The following IDI2 variants were observed in gnomAD, a reference collection of about 807,000 sequenced individuals.
IDI2 encodes isopentenyl-diphosphate delta isomerase 2.
Under a neutral mutation model 14.8 loss-of-function variants are expected in IDI2, and 18 were observed. That is an observed-to-expected ratio of 1.22 (90% CI 0.84 to 1.80). The LOEUF is 1.80. Among genes scored for constraint, IDI2 ranks in the 40% most tolerant of loss-of-function variants. IDI2 has a pLI of 0.00. For synonymous variants in IDI2, 133 were observed against 109.6 expected (o/e 1.21, Z -1.33); for missense variants, 316 against 283.2 (o/e 1.12, Z -0.83).
chr10:1,020,708 T>TATCATTAA, intron 4 of IDI2, 59 bp downstream of exon 4: 1 of 1,374,764 alleles, frequency 7.3e-7, no homozygotes, highest in South Asian at 1.9e-5. Context: ...TTGTTCACCG[T>TATCATTAA]CTGCCCGCTG....
At chr10:1,022,451 C>CA (rs1288787357) in intron 3 of IDI2, among the ~76,000 whole-genome samples, 3 of 152,028 alleles carry the variant, frequency 2.0e-5, no homozygotes, top group Non-Finnish European at 2.9e-5. Flanking sequence ...AACAACAAAA[C>CA]AAAAAAACCC....
chr10:1,023,671 G>T (rs527716555), intron 2 of IDI2, among the ~76,000 whole-genome samples: 2 of 152,304 alleles, frequency 1.3e-5, no homozygotes, highest in South Asian at 4.1e-4. Context: ...GCTGCGAAGG[G>T]CAGTGGGGAG....
chr10:1,021,693 G>C (rs1832104716), intron 3 of IDI2, among the ~76,000 whole-genome samples: 1 of 152,192 alleles, frequency 6.6e-6, no homozygotes, highest in African/African-American at 2.4e-5. Flanking sequence ...TGCAGCTCCT[G>C]AATTTTTCTG....
At chr10:1,024,537 T>C (rs569278039) in intron 2 of IDI2, 45 bp downstream of exon 2, 1 of 1,602,878 alleles carries the variant, frequency 6.2e-7, no homozygotes, top group Non-Finnish European at 8.5e-7. Flanking sequence ...GTGGGAAAAA[T>C]GGGAAAACCC....
intron 4 of IDI2, 27 bp downstream of exon 4, chr10:1,020,740 A>G (rs1055489346): frequency 1.9e-6 from 3 of 1,590,754 alleles, no homozygotes; most frequent in Non-Finnish European, 2.6e-6. Context: ...TCCCGTGGAC[A>G]CAGCTGAGAC....
At chr10:1,024,091 G>A (rs1465656741) in intron 2 of IDI2, among the ~76,000 whole-genome samples, 5 of 152,214 alleles carry the variant, frequency 3.3e-5, no homozygotes, top group African/African-American at 1.2e-4. Flanking sequence ...AGGGGAAAGA[G>A]ACCTCCATGG....
chr10:1,024,784 T>G (rs1832183453), intron 1 of IDI2, 40 bp from the exon 2 acceptor site: 1 of 1,602,138 alleles, frequency 6.2e-7, no homozygotes, highest in African/African-American at 1.3e-5. Context: ...ATGTGAAAGA[T>G]ATTGCCATCT....
At chr10:1,021,825 A>G (rs1018687953) in intron 3 of IDI2, among the ~76,000 whole-genome samples, 12 of 152,200 alleles carry the variant, frequency 7.9e-5, no homozygotes, top group African/African-American at 2.9e-4. Flanking sequence ...GAACTAAGGG[A>G]GGAGAAAACC....
intron 1 of IDI2, among the ~76,000 whole-genome samples, chr10:1,025,559 A>G (rs1418348923): frequency 2.7e-5 from 4 of 147,680 alleles, no homozygotes; most frequent in African/African-American, 1.0e-4. Flanking sequence ...AAAAAAAAAA[A>G]TGTTTTCAGG....
intron 4 of IDI2, 28 bp downstream of exon 4, chr10:1,020,739 C>T (rs777362086): frequency 4.4e-6 from 7 of 1,590,428 alleles, no homozygotes; most frequent in Middle Eastern, 2.1e-4. Flanking sequence ...CTCCCGTGGA[C>T]ACAGCTGAGA....
intron 1 of IDI2, among the ~76,000 whole-genome samples, chr10:1,025,010 CCACACACACA>C (rs72086728): frequency 3.4e-5 from 5 of 145,150 alleles, no homozygotes; most frequent in South Asian, 2.3e-4. Context: ...CCCCGCCCCA[CCACACACACA>C]CACACACACA....
Position 1,019,752 on chromosome 10 carries a change from C to G in IDI2, c.449G>C (p.Cys150Ser). ...SDRIWGEHEI[C>S]YLLLVRKNVT... The stretch of plus-strand genomic sequence containing the variant: ...GTTTTTCCTCACAAGCAGAAGGTAA[C>G]AAATTTCATGCTCTCCCCAAATTCT... The change falls in exon 5 of 5, where the codon TGT becomes TCT. Residue 150 changes from cysteine to serine, a missense_variant. By Grantham distance (112) the Cys-to-Ser change is moderately radical. Coordinates refer to ENST00000277517, the MANE Select transcript of IDI2 (RefSeq NM_033261.3). 1 of 1,613,998 alleles carries G rather than the reference C, an allele frequency of 6.2e-7. No individual in the cohort carries two copies. Among genetic ancestry groups the G allele is most frequent in the Non-Finnish European group, 8.5e-7 (1 of 1,180,008 alleles).
At chr10:1,019,972 G>A (rs7918994) in intron 4 of IDI2, 138 bp from the exon 5 acceptor site, 707,641 of 708,160 alleles carry the variant, frequency 1, 353,564 homozygotes, top group Non-Finnish European at 1. Context: ...CCAAAACCTC[G>A]ATTTTAGCTA....
Position 1,019,505 on chromosome 10 carries a change from C to G in IDI2, c.*12G>C. ...AGGGCATTACACATGGCTGACTCGA[C>G]CTCCCTGCCTCTCACACTCTGTGTA... is the stretch of plus-strand genomic sequence containing the variant. On this transcript the variant is annotated 3_prime_UTR_variant, in exon 5 of 5. Transcript: ENST00000277517. 6.2e-7 allele frequency: 1 copy of G among 1,603,880 alleles called. No individual in the cohort carries two copies. The highest frequency in any genetic ancestry group is 2.2e-5 in the East Asian group (1 of 44,624).
chr10:1,023,028 A>G (rs1336193914), intron 2 of IDI2, among the ~76,000 whole-genome samples: 1 of 152,172 alleles, frequency 6.6e-6, no homozygotes, highest in East Asian at 1.9e-4. Flanking sequence ...AAAATAAAAG[A>G]GATCAGTCTA....
At chr10:1,021,394 G>A (rs1172607194) in intron 3 of IDI2, among the ~76,000 whole-genome samples, 1 of 152,242 alleles carries the variant, frequency 6.6e-6, no homozygotes, top group East Asian at 1.9e-4. Flanking sequence ...TTTCCTTACT[G>A]AGAGGTTCTA....
chr10:1,022,555 T>A (rs552165865), intron 3 of IDI2, 128 bp downstream of exon 3: 22 of 715,384 alleles, frequency 3.1e-5, no homozygotes, highest in Non-Finnish European at 5.5e-5. Flanking sequence ...GCTGCCGATT[T>A]TCTGCAGGAT....
rs532655553 is a variant in IDI2 at position 1,022,240 on chromosome 10, C to T, written c.235+443G>A. ...CGCCACTGCACTCCAGCCTGGGTGACTGAGCCAGACTCCATCTCCAAAAAA... is the reference window on the plus strand; with the variant it reads ...CGCCACTGCACTCCAGCCTGGGTGATTGAGCCAGACTCCATCTCCAAAAAA... On this transcript the variant is annotated intron_variant, in intron 3 of 4. Transcript: ENST00000277517. 1.1e-3 allele frequency among the ~76,000 whole-genome samples: 160 copies of T among 147,890 alleles called. 1 individual carries two copies. Among genetic ancestry groups the T allele is most frequent in the African/African-American group, 3.9e-3 (154 of 39,782 alleles).
intron 4 of IDI2, 75 bp downstream of exon 4, chr10:1,020,690 CCT>C: frequency 2.3e-6 from 3 of 1,277,294 alleles, no homozygotes; most frequent in South Asian, 2.3e-5. Context: ...GTAGATCCAG[CCT>C]GGACTTTGTT....
Sources: allele counts gnomAD v4.1 joint callset (sites outside exome capture counted in the v4.1 genomes callset), GRCh38; gene constraint gnomAD v4.1.1; transcripts MANE v1.5; gene names NCBI Gene and HGNC (gene_info 2026-07-23, HGNC 2026-07-21).